The following NAP1L4 variants were observed in gnomAD, a reference collection of about 807,000 sequenced individuals.
The protein encoded by NAP1L4 is nucleosome assembly protein 1-like 4.
NAP1L4 carries 15 observed loss-of-function variants against 58.2 expected under a neutral mutation model. The ratio of observed to expected loss-of-function variants is 0.26; its 90% CI spans 0.17 to 0.40. The LOEUF is 0.40. Among genes scored for constraint, NAP1L4 ranks in the 10% least tolerant of loss-of-function variants. NAP1L4 has a pLI of 1.00. For missense variants in NAP1L4, 384 were observed against 451.1 expected (o/e 0.85, Z 1.35); for synonymous variants, 171 against 155.6 (o/e 1.10, Z -0.74).
intron 12 of NAP1L4, among the ~76,000 whole-genome samples, chr11:2,953,954 G>A (rs1846376033): frequency 6.6e-6 from 1 of 152,224 alleles, no homozygotes; most frequent in African/African-American, 2.4e-5. Context: ...GGTGAGGATG[G>A]GAGTTTCTAA....
chr11:2,988,939 G>A (rs549064809), intron 1 of NAP1L4, among the ~76,000 whole-genome samples: 1 of 152,324 alleles, frequency 6.6e-6, no homozygotes, highest in Non-Finnish European at 1.5e-5. Flanking sequence ...TCTCTTAAGA[G>A]GGCAGGGTGG....
chr11:2,981,418 CAAAA>C (rs35499396), intron 1 of NAP1L4, among the ~76,000 whole-genome samples: 41 of 41,280 alleles, frequency 9.9e-4, no homozygotes, highest in East Asian at 1.7e-3. Context: ...TACCCTGTCT[CAAAA>C]AAAAAAAAAA....
intron 1 of NAP1L4, among the ~76,000 whole-genome samples, chr11:2,980,373 T>C (rs773969176): frequency 5.9e-5 from 9 of 152,084 alleles, no homozygotes; most frequent in South Asian, 2.1e-4. Flanking sequence ...TTTGTAGAGA[T>C]AGGGTCTGGC....
At chr11:2,981,981 C>T (rs1418706420) in intron 1 of NAP1L4, among the ~76,000 whole-genome samples, 2 of 152,200 alleles carry the variant, frequency 1.3e-5, no homozygotes, top group Non-Finnish European at 1.5e-5. Context: ...AGGTTAGTTC[C>T]CTTCTCACAT....
At position 2,978,354 on chromosome 11, in the gene NAP1L4, G is replaced by T. The variant is rs377493966; in HGVS notation, c.15-12C>A. On this transcript the variant is annotated splice_polypyrimidine_tract_variant and intron_variant, in intron 2 of 15. Transcript: ENST00000380542. ...CCCCATCTGAAAAACTAAAACAACA[G>T]TATGTTTAAAAAGTATTACTGTAAA... The T allele has an allele frequency of 2.6e-5, 42 of 1,612,680 alleles. No individual in the cohort carries two copies. The highest frequency in any genetic ancestry group is 5.3e-5 in the African/African-American group (4 of 74,872).
At chr11:2,962,514 T>C (rs549092555) in intron 8 of NAP1L4, among the ~76,000 whole-genome samples, 2 of 152,354 alleles carry the variant, frequency 1.3e-5, no homozygotes, top group African/African-American at 2.4e-5. Context: ...TAACTTAAAA[T>C]GCATTAGACG....
At chr11:2,974,884 T>C (rs4758619) in intron 4 of NAP1L4, among the ~76,000 whole-genome samples, 43,976 of 152,034 alleles carry the variant, frequency 0.29, 7,563 homozygotes, top group East Asian at 0.68. Flanking sequence ...AAAAACTAGC[T>C]GGGAGTGGTG....
intron 7 of NAP1L4, among the ~76,000 whole-genome samples, chr11:2,965,589 C>A (rs2133951926): frequency 6.6e-6 from 1 of 152,224 alleles, no homozygotes; most frequent in African/African-American, 2.4e-5. Context: ...GGCTCTGTTG[C>A]CCAGACTGGA....
chr11:2,976,250 C>A lies in NAP1L4; in HGVS notation c.74-127G>T. The A allele has an allele frequency of 8.0e-6, 5 of 625,086 alleles. No homozygotes were observed. The South Asian group carries it at 8.2e-5, about 10-fold the overall frequency. The allele number at this position is 625,086 out of a possible 1,614,324, so 38.7% of individuals were successfully genotyped here. A position where few individuals can be genotyped will look rare whatever the true frequency, so the allele number is the denominator to read the frequency against. ...ACATCTACTAATTTCTAAATACATACACCAGTGACTTCTTAAACATGTTTT... is the reference window on the plus strand; with the variant it reads ...ACATCTACTAATTTCTAAATACATAAACCAGTGACTTCTTAAACATGTTTT... On this transcript the variant is annotated intron_variant, in intron 3 of 15. Coordinates refer to ENST00000380542, the MANE Select transcript of NAP1L4 (RefSeq NM_005969.4).
chr11:2,990,990 A>T (rs890325120), intron 1 of NAP1L4: 2 of 406,120 alleles, frequency 4.9e-6, no homozygotes, highest in African/African-American at 4.2e-5. Context: ...TCACCCCGTA[A>T]ACCTAATGCA....
In NAP1L4 at chr11:2,958,418, G is replaced by T. The variant is rs1846677168; in HGVS notation, c.873C>A (p.Asn291Lys). The part of the protein sequence containing the change: ...TKQVPNESFF[N>K]FFNPLKASGD... ...ACTTGCCTTTCAATGGATTGAAGAA[G>T]TTGAAAAAGGACTCATTGGGTACTT... Residue 291 changes from asparagine (N) to lysine (K), a missense_variant, in exon 10 of 16, where the codon AAC becomes AAA. By Grantham distance (94) the Asn-to-Lys change is moderately conservative. Around this residue, in one of 3 missense-constraint regions of NAP1L4, gnomAD observed 296 missense variants for 360.8 expected, o/e 0.82. Coordinates refer to ENST00000380542, the MANE Select transcript of NAP1L4 (RefSeq NM_005969.4). 1 of 1,613,728 alleles carries T rather than the reference G, an allele frequency of 6.2e-7. No homozygotes were observed.
At chr11:2,976,610 C>A (rs1179700367) in intron 3 of NAP1L4, among the ~76,000 whole-genome samples, 1 of 152,222 alleles carries the variant, frequency 6.6e-6, no homozygotes. Context: ...CAGCACTGTT[C>A]CCTAAGTTTT....
rs1043130679 is a variant in NAP1L4, at chr11:2,959,478, C to A, written c.746+292G>T. 6.6e-6 allele frequency among the ~76,000 whole-genome samples: 1 copy of A among 152,172 alleles called. No individual in the cohort carries two copies. Among genetic ancestry groups the A allele is most frequent in the African/African-American group, 2.4e-5 (1 of 41,442 alleles). On this transcript the variant is annotated intron_variant, in intron 9 of 15. Transcript: ENST00000380542. The surrounding 1 kb of genome is among the most constrained non-coding windows in gnomAD (Gnocchi z 4.9). ...ATTCAATTTTAAGAACTTCAATTCA[C>A]GATGTCTAGAGAATCCACTACTTTC...
Position 2,949,288 on chromosome 11 carries a change from G to T in NAP1L4, c.1123-24C>A. 2 of 1,573,098 alleles carry T rather than the reference G, an allele frequency of 1.3e-6. No homozygotes were observed. Among genetic ancestry groups the T allele is most frequent in the Non-Finnish European group, 1.8e-6 (2 of 1,142,796 alleles). On this transcript the variant is annotated intron_variant, in intron 14 of 15. Coordinates refer to ENST00000380542, the MANE Select transcript of NAP1L4 (RefSeq NM_005969.4). This position sits in a 1 kb window ranked among gnomAD's most constrained non-coding sequence, Gnocchi z 4.0. Reference sequence around the variant, plus strand: ...ACCTAAATGGGGAAAAAAATTGAAAGGAACTGTCAGCATGAAAGAAAATGA... The same window carrying T: ...ACCTAAATGGGGAAAAAAATTGAAATGAACTGTCAGCATGAAAGAAAATGA...
chr11:2,976,331 T>C (rs1428091573), intron 3 of NAP1L4, among the ~76,000 whole-genome samples: 1 of 152,210 alleles, frequency 6.6e-6, no homozygotes, highest in Non-Finnish European at 1.5e-5. Flanking sequence ...AATCACCTGA[T>C]GGGTAGTTAC....
At chr11:2,953,117 T>C (rs1437235319) in intron 12 of NAP1L4, among the ~76,000 whole-genome samples, 1 of 152,216 alleles carries the variant, frequency 6.6e-6, no homozygotes, top group Non-Finnish European at 1.5e-5. Context: ...GATGCGAGTC[T>C]GAGCAGTCTA....
Position 2,959,086 on chromosome 11 carries a change from C to T in NAP1L4, c.747-542G>A, listed in dbSNP as rs541864001. 2.0e-5 allele frequency among the ~76,000 whole-genome samples: 3 copies of T among 152,208 alleles called. No individual in the cohort carries two copies. Among genetic ancestry groups the T allele is most frequent in the East Asian group, 1.9e-4 (1 of 5,198 alleles). On this transcript the variant is annotated intron_variant, in intron 9 of 15. Transcript: ENST00000380542. The surrounding 1 kb of genome is among the most constrained non-coding windows in gnomAD (Gnocchi z 4.9). ...ACACCTGGCAGATCTCAATACTGCC[C>T]GCTTAAGAACATGCTTGGTAAGGCC...
chr11:2,964,743 A>G lies in NAP1L4; in HGVS notation c.543T>C (p.Asp181=), dbSNP rs373268440. ...DMLSELVQEY[D]EPILKHLQDI... is the part of the protein sequence containing the mutation. ...CCTGCAGGTGTTTCAAGATTGGTTC[A>G]TCATATTCCTAATCAAAAAGAGAAA... Residue 181 remains aspartate, a synonymous_variant, in exon 8 of 16, where the codon GAT becomes GAC. Transcript: ENST00000380542. 4.2e-5 allele frequency: 68 copies of G among 1,612,902 alleles called. No individual in the cohort carries two copies. Among genetic ancestry groups the G allele is most frequent in the Non-Finnish European group, 4.9e-5 (58 of 1,179,150 alleles).
chr11:2,949,181 T>G lies in NAP1L4; in HGVS notation c.*32+46A>C. 1 of 1,446,310 alleles carries G rather than the reference T, an allele frequency of 6.9e-7. No individual in the cohort carries two copies. The allele number at this position is 1,446,310 out of a possible 1,614,324, so 89.6% of individuals were successfully genotyped here. A position where few individuals can be genotyped will look rare whatever the true frequency, so the allele number is the denominator to read the frequency against. ...TCAAAACAATGCATTGTATAAAGTA[T>G]AGATCAGAAGTTTGGAAGTTAGGTA... On this transcript the variant is annotated intron_variant, in intron 15 of 15. Transcript: ENST00000380542. The surrounding 1 kb of genome is among the most constrained non-coding windows in gnomAD (Gnocchi z 4.0).
Sources: allele counts gnomAD v4.1 joint callset (sites outside exome capture counted in the v4.1 genomes callset), GRCh38; gene constraint gnomAD v4.1.1; regional missense constraint gnomAD v4.1.1; non-coding constraint Gnocchi (gnomAD v3.1); transcripts MANE v1.5; gene names NCBI Gene and HGNC (gene_info 2026-07-23, HGNC 2026-07-21).